The following SH3PXD2B variants were observed in gnomAD, a reference collection of about 807,000 sequenced individuals.
SH3PXD2B encodes the protein SH3 and PX domain-containing protein 2B.
Under a neutral mutation model 73.1 loss-of-function variants are expected in SH3PXD2B, and 37 were observed. That is an observed-to-expected ratio of 0.51 (90% CI 0.39 to 0.67). The LOEUF is 0.67. Among genes scored for constraint, SH3PXD2B ranks in the 30% least tolerant of loss-of-function variants. The pLI, the probability that SH3PXD2B is intolerant of heterozygous loss-of-function variation, is 0.00. For synonymous variants in SH3PXD2B, 457 were observed against 480.5 expected (o/e 0.95, Z 0.64); for missense variants, 1,053 against 1,197.8 (o/e 0.88, Z 1.78).
At chr5:172,400,007 C>T (rs780750222) in intron 3 of SH3PXD2B, among the ~76,000 whole-genome samples, 4 of 152,300 alleles carry the variant, frequency 2.6e-5, no homozygotes, top group African/African-American at 9.6e-5. Flanking sequence ...AATGTTACCA[C>T]GGGTGATAAA....
chr5:172,332,960 G>A (rs563250421), downstream of SH3PXD2B, among the ~76,000 whole-genome samples: 4 of 142,218 alleles, frequency 2.8e-5, no homozygotes, highest in South Asian at 8.8e-4. Flanking sequence ...TTTTGAGACC[G>A]AGTCTCACTC....
chr5:172,362,931 G>GAGC, intron 6 of SH3PXD2B, 62 bp from the exon 7 acceptor site: 2 of 1,608,012 alleles, frequency 1.2e-6, no homozygotes, highest in South Asian at 2.2e-5. Flanking sequence ...GCAGGAGTCA[G>GAGC]AGCAGTAGGG....
chr5:172,355,395 G>C (rs992194715), intron 8 of SH3PXD2B, among the ~76,000 whole-genome samples: 1 of 152,194 alleles, frequency 6.6e-6, no homozygotes, highest in African/African-American at 2.4e-5. Flanking sequence ...AGGGGTGGAG[G>C]GAAGAATCCA....
chr5:172,331,393 T>C (rs59922608), downstream of SH3PXD2B, among the ~76,000 whole-genome samples: 1,922 of 152,318 alleles, frequency 0.013, 37 homozygotes, highest in African/African-American at 0.043. Flanking sequence ...CTGAGGAATC[T>C]GTCTTTCGAC....
In SH3PXD2B at chr5:172,368,571, ATGT is replaced by A. The variant is rs1156705532; in HGVS notation, c.427+5216_427+5218del. Among the ~76,000 whole-genome samples, 177 of 17,880 alleles carry A rather than the reference ATGT, an allele frequency of 9.9e-3. 16 individuals are homozygous for A. Among genetic ancestry groups the A allele is most frequent in the Middle Eastern group, 0.053 (2 of 38 alleles). 11.7% of individuals were successfully genotyped at this position (17,880 alleles called of 152,430 possible). On this transcript the variant is annotated intron_variant, in intron 6 of 12. Transcript: ENST00000311601. ...TATATATATTATATATATATAAAAT[ATGT>A]TATATATATATATAAAATATGTTAT... is the stretch of plus-strand genomic sequence containing the variant.
At chr5:172,350,076 A>G (rs1289133973) in intron 10 of SH3PXD2B, among the ~76,000 whole-genome samples, 2 of 152,138 alleles carry the variant, frequency 1.3e-5, no homozygotes, top group Non-Finnish European at 2.9e-5. Context: ...GCTGGTCTTG[A>G]ACTCCTGACC....
At chr5:172,384,000 C>T (rs1758004506) in intron 4 of SH3PXD2B, among the ~76,000 whole-genome samples, 2 of 152,082 alleles carry the variant, frequency 1.3e-5, no homozygotes, top group Non-Finnish European at 2.9e-5. Flanking sequence ...GCGCACGCCA[C>T]CCCACCCGGC....
In SH3PXD2B at chr5:172,445,606, GA is replaced by G. The variant is rs1269816368; in HGVS notation, c.75+8671del. Reference sequence around the variant, plus strand: ...AAGAATAGGATGACCAGTAAAATCTGAATTTCGGATAAACAACAAATAATTG... The same window carrying G: ...AAGAATAGGATGACCAGTAAAATCTGATTTCGGATAAACAACAAATAATTG... On this transcript the variant is annotated intron_variant, in intron 1 of 12. Coordinates refer to ENST00000311601, the MANE Select transcript of SH3PXD2B (RefSeq NM_001017995.3). The surrounding 1 kb of genome is among the most constrained non-coding windows in gnomAD (Gnocchi z 5.2). 3.9e-5 allele frequency among the ~76,000 whole-genome samples: 6 copies of G among 152,208 alleles called. No individual in the cohort carries two copies. The highest frequency in any genetic ancestry group is 1.4e-4 in the African/African-American group (6 of 41,454).
At chr5:172,406,446 G>C in intron 2 of SH3PXD2B, 94 bp from the exon 3 acceptor site, 1 of 1,408,966 alleles carries the variant, frequency 7.1e-7, no homozygotes, top group Non-Finnish European at 1.0e-6. Context: ...AATATGTGAT[G>C]TGATATACTA....
rs367898290 is a variant in SH3PXD2B at position 172,347,357 on chromosome 5, C to A, written c.1013-25G>T. On this transcript the variant is annotated intron_variant, in intron 10 of 12. Coordinates refer to ENST00000311601, the MANE Select transcript of SH3PXD2B (RefSeq NM_001017995.3). ...CCTATGGAGAAATGAGAGCTTATTA[C>A]ATCTTGTGCTACAGATGAGATTCCT... 7 of 1,613,214 alleles carry A rather than the reference C, an allele frequency of 4.3e-6. No individual in the cohort carries two copies. The African/African-American group carries it at 9.3e-5, about 22-fold the overall frequency.
chr5:172,438,555 T>A (rs529812194), intron 1 of SH3PXD2B, among the ~76,000 whole-genome samples: 1 of 152,312 alleles, frequency 6.6e-6, no homozygotes, highest in Admixed American at 6.5e-5. Flanking sequence ...GTGAAATAGC[T>A]GAATGAACAG....
intron 6 of SH3PXD2B, 38 bp from the exon 7 acceptor site, chr5:172,362,907 T>A (rs199525814): frequency 6.2e-7 from 1 of 1,613,390 alleles, no homozygotes; most frequent in East Asian, 2.2e-5. Flanking sequence ...TGGCCACCAC[T>A]CATGCATGAA....
At chr5:172,347,481 G>A in intron 10 of SH3PXD2B, 149 bp from the exon 11 acceptor site, 1 of 789,692 alleles carries the variant, frequency 1.3e-6, no homozygotes, top group Non-Finnish European at 2.1e-6. Flanking sequence ...GCCTGGGCAG[G>A]AAGGAGCTGC....
chr5:172,344,587 T>TC, intron 12 of SH3PXD2B, among the ~76,000 whole-genome samples: 1 of 28,802 alleles, frequency 3.5e-5, no homozygotes, highest in South Asian at 1.2e-3. Context: ...CGAGGCTCTG[T>TC]CAAAAAAAAA....
intron 3 of SH3PXD2B, among the ~76,000 whole-genome samples, chr5:172,400,510 TC>T (rs1001463775): frequency 6.6e-6 from 1 of 152,170 alleles, no homozygotes; most frequent in Non-Finnish European, 1.5e-5. Flanking sequence ...CATATGATAC[TC>T]CCCATTCTGA....
At chr5:172,325,762 TTTTTG>T (rs529154450) in intron 12 of SH3PXD2B, among the ~76,000 whole-genome samples, 101 of 151,828 alleles carry the variant, frequency 6.7e-4, no homozygotes, top group African/African-American at 1.9e-3. Flanking sequence ...CCTGCCTGGT[TTTTTG>T]TTTTGTTTTG....
At position 172,406,266 on chromosome 5, in the gene SH3PXD2B, A is replaced by G. The variant is rs2113429390; in HGVS notation, c.232+11T>C. 1 of 1,613,804 alleles carries G rather than the reference A, an allele frequency of 6.2e-7. No individual in the cohort carries two copies. Among genetic ancestry groups the G allele is most frequent in the African/African-American group, 1.3e-5 (1 of 74,984 alleles). ...CCAGTGTCCCAGTCTGAGAGCACCC[A>G]TCTCACCTACCTGGCAGAAAGGGGA... On this transcript the variant is annotated intron_variant, in intron 3 of 12. Coordinates refer to ENST00000311601, the MANE Select transcript of SH3PXD2B (RefSeq NM_001017995.3).
chr5:172,443,432 A>G (rs1019934), intron 1 of SH3PXD2B, among the ~76,000 whole-genome samples: 6,503 of 152,272 alleles, frequency 0.043, 479 homozygotes, highest in African/African-American at 0.15. Flanking sequence ...ACTGCTAGTC[A>G]GCTTTCCCAG....
intron 12 of SH3PXD2B, among the ~76,000 whole-genome samples, chr5:172,345,068 A>AGGGAG (rs1756962166): frequency 6.8e-6 from 1 of 147,000 alleles, no homozygotes; most frequent in South Asian, 2.2e-4. Context: ...AGGAGGAAGG[A>AGGGAG]GGAAGGAAGG....
Sources: gnomAD v4.1 joint callset for allele counts (sites outside exome capture counted in the v4.1 genomes callset) on GRCh38, gnomAD v4.1.1 for gene constraint, Gnocchi (gnomAD v3.1) non-coding constraint, MANE v1.5 for transcripts, NCBI Gene and HGNC (gene_info 2026-07-23, HGNC 2026-07-21) for gene names.